SYN2: variants seen among roughly 807,000 people sequenced by gnomAD.
SYN2 encodes the protein synapsin-2.
SYN2 carries 19 observed loss-of-function variants against 50.9 expected under a neutral mutation model. The ratio of observed to expected loss-of-function variants is 0.37; its 90% CI spans 0.26 to 0.55. SYN2 has a LOEUF of 0.55. Ranked by LOEUF, SYN2 falls within the 20% of genes least tolerant of loss-of-function variation. The probability of loss-of-function intolerance (pLI) is 0.81; values close to 1 mark genes in which losing one functional copy is unlikely to be tolerated. For missense variants in SYN2, 587 were observed against 576.4 expected (o/e 1.02, Z -0.19); for synonymous variants, 255 against 224.9 (o/e 1.13, Z -1.20).
chr3:12,015,755 TCTC>T (rs1254834783), intron 1 of SYN2, among the ~76,000 whole-genome samples: 1 of 152,200 alleles, frequency 6.6e-6, no homozygotes, highest in African/African-American at 2.4e-5. Flanking sequence ...GCTCTCTGCT[TCTC>T]CTCTCTCAGC....
At chr3:12,022,182 C>T (rs1016859339) in intron 1 of SYN2, among the ~76,000 whole-genome samples, 2 of 152,092 alleles carry the variant, frequency 1.3e-5, no homozygotes, top group African/African-American at 4.8e-5. Context: ...GGGCAAAGGC[C>T]ATGCTTTATT....
chr3:12,036,740 A>G (rs1694506691), intron 1 of SYN2, among the ~76,000 whole-genome samples: 1 of 152,216 alleles, frequency 6.6e-6, no homozygotes, highest in South Asian at 2.1e-4. Flanking sequence ...TCTGTTTAAC[A>G]AACTGTCAAT....
At chr3:12,066,622 T>C (rs1559406391) in intron 1 of SYN2, among the ~76,000 whole-genome samples, 2 of 152,162 alleles carry the variant, frequency 1.3e-5, no homozygotes, top group Non-Finnish European at 2.9e-5. Flanking sequence ...TTTGTGTACT[T>C]ATATCAGAAT....
chr3:12,182,402 G>A (rs1266233507), intron 10 of SYN2, among the ~76,000 whole-genome samples: 1 of 152,186 alleles, frequency 6.6e-6, no homozygotes, highest in Non-Finnish European at 1.5e-5. Flanking sequence ...CCCTTGTGCT[G>A]AACTCAGACT....
chr3:12,166,972 A>G (rs1697813848), intron 7 of SYN2, among the ~76,000 whole-genome samples: 2 of 152,248 alleles, frequency 1.3e-5, no homozygotes, highest in Admixed American at 6.5e-5. Flanking sequence ...GGACAGTGAA[A>G]GGTCATCCGG....
At chr3:12,078,138 A>T (rs916749792) in intron 1 of SYN2, among the ~76,000 whole-genome samples, 1 of 151,922 alleles carries the variant, frequency 6.6e-6, no homozygotes, top group Admixed American at 6.6e-5. Flanking sequence ...GTCTGTTCAT[A>T]TCTTTTGCCC....
At chr3:12,034,765 G>A (rs1694459122) in intron 1 of SYN2, among the ~76,000 whole-genome samples, 1 of 152,156 alleles carries the variant, frequency 6.6e-6, no homozygotes, top group African/African-American at 2.4e-5. Flanking sequence ...TCATAACACT[G>A]TTGCATTGGG....
intron 11 of SYN2, chr3:12,183,923 G>A: frequency 6.0e-6 from 6 of 993,394 alleles, no homozygotes; most frequent in Non-Finnish European, 6.0e-6. Context: ...AATGAACTGT[G>A]CTTTTCGCTT....
intron 3 of SYN2, among the ~76,000 whole-genome samples, chr3:12,144,797 G>T (rs1033529417): frequency 2.0e-5 from 3 of 152,110 alleles, no homozygotes; most frequent in Non-Finnish European, 4.4e-5. Flanking sequence ...AAGGCGGGCA[G>T]ATCACTTGAG....
chr3:12,021,682 A>G (rs541069808), intron 1 of SYN2, among the ~76,000 whole-genome samples: 142 of 152,306 alleles, frequency 9.3e-4, no homozygotes, highest in African/African-American at 3.3e-3. Flanking sequence ...ATTCACTGTT[A>G]AAGATGAGGA....
chr3:12,137,382 T>C (rs1207447964), intron 1 of SYN2, among the ~76,000 whole-genome samples: 2 of 152,196 alleles, frequency 1.3e-5, no homozygotes, highest in African/African-American at 4.8e-5. Flanking sequence ...GTATCATCTT[T>C]TTCTTGGGTG....
chr3:12,086,615 C>T (rs1695707075), intron 1 of SYN2, among the ~76,000 whole-genome samples: 1 of 152,080 alleles, frequency 6.6e-6, no homozygotes, highest in Non-Finnish European at 1.5e-5. Context: ...GGGACAAAAC[C>T]CACATCATCA....
chr3:12,157,043 G>A (rs1319025063), intron 5 of SYN2: 5 of 795,382 alleles, frequency 6.3e-6, no homozygotes, highest in East Asian at 2.7e-5. Flanking sequence ...CAAAAGTCTA[G>A]TTGAGGATTT....
chr3:12,144,583 G>A (rs1036783065), intron 3 of SYN2, among the ~76,000 whole-genome samples: 27 of 152,082 alleles, frequency 1.8e-4, no homozygotes, highest in African/African-American at 6.5e-4. Flanking sequence ...ATGAAGTCAA[G>A]GAAAAATATT....
At chr3:12,056,280 G>A (rs1300211684) in intron 1 of SYN2, among the ~76,000 whole-genome samples, 2 of 151,994 alleles carry the variant, frequency 1.3e-5, no homozygotes, top group Admixed American at 6.6e-5. Context: ...TTACCTTTGC[G>A]GGGAAGGAGG....
chr3:12,188,959 G>A (rs150540270), intron 12 of SYN2, among the ~76,000 whole-genome samples: 1 of 152,316 alleles, frequency 6.6e-6, no homozygotes, highest in East Asian at 1.9e-4. Context: ...GAAGCTGGAG[G>A]CTCATCCCCA....
intron 12 of SYN2, among the ~76,000 whole-genome samples, chr3:12,189,910 A>T (rs1002486733): frequency 1.3e-5 from 2 of 152,230 alleles, no homozygotes; most frequent in Non-Finnish European, 2.9e-5. Flanking sequence ...GAATAGAAAG[A>T]GCCAAAAGTG....
chr3:12,161,833 C>A, intron 6 of SYN2, 179 bp from the exon 7 acceptor site: 2 of 1,021,262 alleles, frequency 2.0e-6, no homozygotes, highest in Non-Finnish European at 1.4e-6. Flanking sequence ...GCAAGTGTGG[C>A]CCTTGAGTTC....
intron 1 of SYN2, among the ~76,000 whole-genome samples, chr3:12,050,482 A>G (rs572727670): frequency 6.6e-6 from 1 of 151,578 alleles, no homozygotes; most frequent in African/African-American, 2.4e-5. Flanking sequence ...AGTAGCTGGG[A>G]CTATAGGTGT....
Sources: gnomAD v4.1 joint callset for allele counts (sites outside exome capture counted in the v4.1 genomes callset) on GRCh38, gnomAD v4.1.1 for gene constraint, MANE v1.5 for transcripts, NCBI Gene and HGNC (gene_info 2026-07-23, HGNC 2026-07-21) for gene names.